ABCC10: variants seen among roughly 807,000 people sequenced by gnomAD.
The protein encoded by ABCC10 is ATP-binding cassette sub-family C member 10.
In ABCC10, 110 loss-of-function variants were observed where a neutral mutation model predicts 143.2. The ratio of observed to expected loss-of-function variants is 0.77; its 90% confidence interval spans 0.66 to 0.90. ABCC10 has a LOEUF of 0.90. Ranked by LOEUF, ABCC10 falls within the 40% of genes least tolerant of loss-of-function variation. The pLI is 0.00. For synonymous variants in ABCC10, 805 were observed against 846.7 expected (o/e 0.95, Z 0.85); for missense variants, 1,700 against 1,900.5 (o/e 0.89, Z 1.96).
chr6:43,432,813 A>G lies in ABCC10; in HGVS notation c.833A>G (p.Tyr278Cys). The change falls in exon 3 of 22, where the codon TAT becomes TGT. Residue 278 changes from tyrosine to cysteine, a missense_variant. Physicochemically the swap from Tyr to Cys is radical, Grantham distance 194 (BLOSUM62 -2). Transcript: ENST00000372530. ...GGGGCACGGCTGTGGAGGGCCTTGTATGGGGCCTTTGGACGGTGCTATCTG... is the reference window on the plus strand; with the variant it reads ...GGGGCACGGCTGTGGAGGGCCTTGTGTGGGGCCTTTGGACGGTGCTATCTG... ...QEGARLWRAL[Y>C]GAFGRCYLAL... is the part of the protein sequence containing the mutation. The G allele has an allele frequency of 6.2e-7, 1 of 1,614,118 alleles. No individual in the cohort carries two copies. Among genetic ancestry groups the G allele is most frequent in the Non-Finnish European group, 8.5e-7 (1 of 1,180,018 alleles).
intron 18 of ABCC10, 118 bp downstream of exon 18, chr6:43,448,055 T>C (rs1204261919): frequency 1.4e-6 from 2 of 1,475,932 alleles, no homozygotes; most frequent in African/African-American, 1.4e-5. Context: ...ATCAGGGGGC[T>C]GAAATGGAGG....
intron 6 of ABCC10, 68 bp from the exon 7 acceptor site, chr6:43,437,866 G>C: frequency 6.6e-7 from 1 of 1,519,506 alleles, no homozygotes; most frequent in African/African-American, 1.4e-5. Context: ...AGAGTGTCAA[G>C]AGGGAGACCA....
chr6:43,428,464 T>C (rs1780740253), intron 2 of ABCC10, among the ~76,000 whole-genome samples: 1 of 152,148 alleles, frequency 6.6e-6, no homozygotes, highest in Non-Finnish European at 1.5e-5. Flanking sequence ...CTGTCATGAA[T>C]TGGAGGCAGA....
At position 43,438,716 on chromosome 6, in the gene ABCC10, A is replaced by G. The variant is rs1782012400; in HGVS notation, c.2048A>G (p.Asn683Ser). The G allele has an allele frequency of 6.2e-7, 1 of 1,614,122 alleles. No individual in the cohort carries two copies. The highest frequency in any genetic ancestry group is 1.3e-5 in the African/African-American group (1 of 74,948). Residue 683 changes from asparagine to serine, a missense_variant, in exon 8 of 22, where the codon AAC becomes AGC. Physicochemically the swap from Asn to Ser is conservative, Grantham distance 46. Transcript: ENST00000372530. ...ATCCAGTTTGCCACCATCCGAGACA[A>G]CATCCTCTTTGGGAAGACATTTGAT... The part of the protein sequence containing the change: ...PWIQFATIRD[N>S]ILFGKTFDAQ...
rs530328098 is a variant in ABCC10 at position 43,445,403 on chromosome 6, A to G, written c.3030+89A>G. 49 of 1,457,074 alleles carry G rather than the reference A, an allele frequency of 3.4e-5. No individual in the cohort carries two copies. The African/African-American group carries it at 5.5e-4, about 16-fold the overall frequency. The allele number at this position is 1,457,074 out of a possible 1,614,324, so 90.3% of individuals were successfully genotyped here. ...ATACTCGGGCTCCACTGGGGATGGG[A>G]GAGTCTTTCCTGCCCTGGGATATTC... is the stretch of plus-strand genomic sequence containing the variant. On this transcript the variant is annotated intron_variant, in intron 14 of 21. Coordinates refer to ENST00000372530, the MANE Select transcript of ABCC10 (RefSeq NM_001198934.2).
rs576565129 is a variant in ABCC10 at position 43,445,736 on chromosome 6, C to T, written c.3168C>T (p.Leu1056=). The T allele has an allele frequency of 5.6e-6, 9 of 1,614,160 alleles. No individual in the cohort carries two copies. The South Asian group carries it at 8.8e-5, about 16-fold the overall frequency. The part of the protein sequence containing the change: ...LLANAAGLLG[L]LAVLGSGLPW... ...CCAACGCGGCAGGCCTGCTGGGGCT[C>T]CTGGCCGTGCTGGGCTCTGGCCTGC... The change falls in exon 15 of 22, where the codon CTC becomes CTT. Residue 1056 remains leucine (L), a synonymous_variant. Transcript: ENST00000372530.
chr6:43,440,266 T>C (rs1252895881), intron 8 of ABCC10, among the ~76,000 whole-genome samples: 1 of 151,916 alleles, frequency 6.6e-6, no homozygotes, highest in African/African-American at 2.4e-5. Flanking sequence ...CCAGCTTTCG[T>C]AGGTTTTTAG....
At position 43,448,948 on chromosome 6, in the gene ABCC10, C is replaced by T. The variant is rs1344556172; in HGVS notation, c.4027C>T (p.Pro1343Ser). The T allele has an allele frequency of 1.2e-6, 2 of 1,614,168 alleles. No homozygotes were observed. Among genetic ancestry groups the T allele is most frequent in the Non-Finnish European group, 8.5e-7 (1 of 1,180,008 alleles). Residue 1343 changes from proline (P) to serine (S), a missense_variant, in exon 19 of 22, where the codon CCC becomes TCC. By Grantham distance (74) the Pro-to-Ser change is moderately conservative (BLOSUM62 -1). Coordinates refer to ENST00000372530, the MANE Select transcript of ABCC10 (RefSeq NM_001198934.2). ...FSGTVRENLDPQGLHKDRALW... is the reference protein window; with the variant it reads ...FSGTVRENLDSQGLHKDRALW... ...TGGGACTGTTCGGGAAAACCTGGAC[C>T]CCCAGGGCCTACATAAGGACAGGGC...
intron 2 of ABCC10, chr6:43,431,685 T>G: frequency 1.9e-6 from 1 of 528,652 alleles, no homozygotes; most frequent in Non-Finnish European, 2.4e-6. Context: ...AAATTTTAGA[T>G]TCATGAGGCA....
chr6:43,441,242 C>T (rs2127399850), intron 8 of ABCC10, among the ~76,000 whole-genome samples: 1 of 152,168 alleles, frequency 6.6e-6, no homozygotes, highest in Non-Finnish European at 1.5e-5. Context: ...CTTTGGGAGG[C>T]CAAGGTGGGT....
chr6:43,448,532 C>T (rs924909606), intron 18 of ABCC10, among the ~76,000 whole-genome samples: 6 of 152,302 alleles, frequency 3.9e-5, no homozygotes, highest in South Asian at 2.1e-4. Context: ...CCCTTTCAGT[C>T]GCTCTGGTCA....
chr6:43,439,561 C>T (rs1002501591), intron 8 of ABCC10, among the ~76,000 whole-genome samples: 9 of 151,974 alleles, frequency 5.9e-5, no homozygotes, highest in Non-Finnish European at 1.2e-4. Context: ...AGCCACCACA[C>T]CCAGCTAATT....
Position 43,449,011 on chromosome 6 carries a change from G to T in ABCC10, c.4090G>T (p.Val1364Leu), listed in dbSNP as rs750910999. ...QALKQCHLSEVITSMGGLDGE... is the reference protein window; with the variant it reads ...QALKQCHLSELITSMGGLDGE... ...CCTGAAGCAGTGCCACCTGAGTGAG[G>T]TGATTACATCCATGGGTGAGTGCTG... The change falls in exon 19 of 22, where the codon GTG becomes TTG. Residue 1364 changes from valine to leucine, a missense_variant. Physicochemically the swap from Val to Leu is conservative, Grantham distance 32. Coordinates refer to ENST00000372530, the MANE Select transcript of ABCC10 (RefSeq NM_001198934.2). The T allele has an allele frequency of 1.2e-6, 2 of 1,614,080 alleles. No homozygotes were observed. The highest frequency in any genetic ancestry group is 1.7e-6 in the Non-Finnish European group (2 of 1,179,946).
chr6:43,448,132 A>C, intron 18 of ABCC10, 195 bp downstream of exon 18: 53 of 880,520 alleles, frequency 6.0e-5, no homozygotes, highest in Middle Eastern at 2.2e-4. Context: ...TGGTGATCTC[A>C]AGGTCTTCCT....
Position 43,432,247 on chromosome 6 carries a change from G to A in ABCC10, c.267G>A (p.Leu89=), listed in dbSNP as rs1781217386. The change falls in exon 3 of 22, where the codon TTG becomes TTA. Residue 89 remains leucine, a synonymous_variant. Coordinates refer to ENST00000372530, the MANE Select transcript of ABCC10 (RefSeq NM_001198934.2). ...TGCTAGACCTTCTTCCAGTTGCTTT[G>A]CCACCAGGGGCAGGCCCAGGACCCA... ...FPLLDLLPVA[L]PPGAGPGPIG... 2.2e-5 allele frequency: 35 copies of A among 1,614,058 alleles called. No individual in the cohort carries two copies. The highest frequency in any genetic ancestry group is 2.9e-5 in the Non-Finnish European group (34 of 1,180,036).
chr6:43,433,389 A>G (rs776959639), intron 3 of ABCC10, 29 bp downstream of exon 3: 3 of 1,574,980 alleles, frequency 1.9e-6, no homozygotes, highest in Non-Finnish European at 2.6e-6. Context: ...TCCCTCAGCT[A>G]TCTGGAGACC....
Position 43,432,865 on chromosome 6 carries a change from G to C in ABCC10, c.885G>C (p.Gly295=). 6.2e-7 allele frequency: 1 copy of C among 1,614,178 alleles called. No individual in the cohort carries two copies. Among genetic ancestry groups the C allele is most frequent in the Non-Finnish European group, 8.5e-7 (1 of 1,180,034 alleles). ...CACTTGGACTGCTGAAGCTGGTGGG[G>C]ACCATGTTGGGATTCTCAGGGCCCC... is the stretch of plus-strand genomic sequence containing the variant. ...YLALGLLKLV[G]TMLGFSGPLL... The change falls in exon 3 of 22, where the codon GGG becomes GGC. Residue 295 remains glycine, a synonymous_variant. Transcript: ENST00000372530.
intron 6 of ABCC10, among the ~76,000 whole-genome samples, chr6:43,436,931 AT>A (rs1326560136): frequency 3.3e-5 from 5 of 152,176 alleles, no homozygotes; most frequent in African/African-American, 1.2e-4. Flanking sequence ...AATTTTGCTA[AT>A]GTGTTAGTTG....
intron 2 of ABCC10, among the ~76,000 whole-genome samples, chr6:43,430,505 G>C (rs1430588353): frequency 2.0e-5 from 3 of 151,730 alleles, no homozygotes; most frequent in Non-Finnish European, 2.9e-5. Flanking sequence ...TGAGGCAGGG[G>C]AATCGCTTGA....
Sources: allele counts gnomAD v4.1 joint callset (sites outside exome capture counted in the v4.1 genomes callset), GRCh38; gene constraint gnomAD v4.1.1; transcripts MANE v1.5; gene names NCBI Gene and HGNC (gene_info 2026-07-23, HGNC 2026-07-21).